Variants in AGMO observed in about 807,000 individuals in gnomAD.
AGMO encodes alkylglycerol monooxygenase, also known as glyceryl-ether monooxygenase.
AGMO carries 75 observed loss-of-function variants against 60.2 expected under a neutral mutation model. The observed-to-expected ratio is 1.25, with a 90% CI of 1.03 to 1.51. The LOEUF (loss-of-function observed/expected upper bound fraction) is 1.51, where lower values mean the gene tolerates loss of function less well. AGMO is among the 40% of genes most tolerant of loss of function. The pLI, the probability that AGMO is intolerant of heterozygous loss-of-function variation, is 0.00. For synonymous variants in AGMO, 261 were observed against 177.1 expected (o/e 1.47, Z -3.76); for missense variants, 763 against 525.5 (o/e 1.45, Z -4.42).
intron 3 of AGMO, among the ~76,000 whole-genome samples, chr7:15,455,639 T>C (rs1781982066): frequency 6.6e-6 from 1 of 152,134 alleles, no homozygotes; most frequent in Non-Finnish European, 1.5e-5. Flanking sequence ...AATATGTTTA[T>C]TCTATTCACA....
At chr7:15,129,045 T>C in the AGMO span, among the ~76,000 whole-genome samples, 1 of 152,188 alleles carries the variant, frequency 6.6e-6, no homozygotes, top group South Asian at 2.1e-4. Context: ...AAGTGGGGCA[T>C]CCTATGTGAT....
At chr7:15,352,584 A>C (rs1238563206) in intron 12 of AGMO, among the ~76,000 whole-genome samples, 1 of 151,790 alleles carries the variant, frequency 6.6e-6, no homozygotes. Context: ...ATGCGTGGCA[A>C]TTTTACGGTC....
chr7:15,126,643 T>C, the AGMO span, among the ~76,000 whole-genome samples: 1 of 152,068 alleles, frequency 6.6e-6, no homozygotes, highest in Non-Finnish European at 1.5e-5. Context: ...ACCGTGGATA[T>C]TGTGACTTAC....
At chr7:15,500,697 C>G (rs1388289935) in intron 3 of AGMO, among the ~76,000 whole-genome samples, 1 of 151,880 alleles carries the variant, frequency 6.6e-6, no homozygotes, top group Admixed American at 6.6e-5. Context: ...TTCAGTTCAG[C>G]TCTGATTTGA....
intron 3 of AGMO, among the ~76,000 whole-genome samples, chr7:15,490,549 C>T (rs1301092220): frequency 6.6e-6 from 1 of 152,098 alleles, no homozygotes; most frequent in African/African-American, 2.4e-5. Flanking sequence ...ATCCGCAACA[C>T]AGACAGGAAC....
chr7:15,529,869 G>A (rs111219476), intron 3 of AGMO, among the ~76,000 whole-genome samples: 16 of 14,068 alleles, frequency 1.1e-3, no homozygotes, highest in Admixed American at 2.7e-3. Context: ...TTCTATATAC[G>A]TATTTCCATA....
chr7:15,222,452 T>C (rs2128497277), intron 12 of AGMO, among the ~76,000 whole-genome samples: 1 of 152,218 alleles, frequency 6.6e-6, no homozygotes, highest in East Asian at 1.9e-4. Context: ...GATTTCGTGA[T>C]CTTTAGCATT....
intron 12 of AGMO, among the ~76,000 whole-genome samples, chr7:15,205,204 C>A (rs1012763411): frequency 1.3e-5 from 2 of 152,048 alleles, no homozygotes; most frequent in Non-Finnish European, 2.9e-5. Context: ...CAATAAGCAA[C>A]CAGAAGAGAA....
chr7:15,505,028 T>G (rs1055493681), intron 3 of AGMO, among the ~76,000 whole-genome samples: 1 of 152,000 alleles, frequency 6.6e-6, no homozygotes, highest in African/African-American at 2.4e-5. Context: ...TCTTCAATTT[T>G]GTAATGCCAA....
Position 15,201,238 on chromosome 7 carries a change from G to T in AGMO, c.*47C>A. On this transcript the variant is annotated 3_prime_UTR_variant, in exon 13 of 13. Coordinates refer to ENST00000342526, the MANE Select transcript of AGMO (RefSeq NM_001004320.2). Reference sequence around the variant, plus strand: ...ACATTTTAATATGCAGTCATAATATGCGTGTGGACAACTCATTAAAAGAAG... The same window carrying T: ...ACATTTTAATATGCAGTCATAATATTCGTGTGGACAACTCATTAAAAGAAG... 1 of 1,254,430 alleles carries T rather than the reference G, an allele frequency of 8.0e-7. No homozygotes were observed. The highest frequency in any genetic ancestry group is 1.1e-6 in the Non-Finnish European group (1 of 878,026). The allele number at this position is 1,254,430 out of a possible 1,614,324, so 77.7% of individuals were successfully genotyped here. A position where few individuals can be genotyped will look rare whatever the true frequency, so the allele number is the denominator to read the frequency against.
intron 12 of AGMO, among the ~76,000 whole-genome samples, chr7:15,328,149 G>A (rs1781402636): frequency 6.6e-6 from 1 of 151,644 alleles, no homozygotes; most frequent in African/African-American, 2.4e-5. Flanking sequence ...CCAAGCTGGA[G>A]TACAATGGCA....
At chr7:15,261,979 T>C (rs937145525) in intron 12 of AGMO, among the ~76,000 whole-genome samples, 4 of 151,878 alleles carry the variant, frequency 2.6e-5, no homozygotes, top group Non-Finnish European at 4.4e-5. Flanking sequence ...AAAACCAGCA[T>C]AGAAGGGACA....
chr7:15,544,096 T>C (rs866256843), intron 3 of AGMO, among the ~76,000 whole-genome samples: 10 of 152,204 alleles, frequency 6.6e-5, no homozygotes, highest in Middle Eastern at 3.4e-3. Context: ...TGGAAACTAT[T>C]ATTCTAAGTG....
At chr7:15,150,552 A>G in the AGMO span, among the ~76,000 whole-genome samples, 1 of 151,976 alleles carries the variant, frequency 6.6e-6, no homozygotes, top group Non-Finnish European at 1.5e-5. Context: ...TTGTGCATCT[A>G]TCGAGATCAA....
chr7:15,218,396 A>G (rs927381294), intron 12 of AGMO, among the ~76,000 whole-genome samples: 12 of 148,472 alleles, frequency 8.1e-5, no homozygotes, highest in African/African-American at 2.5e-5. Flanking sequence ...ATTTTGGGCC[A>G]TATGTTTTAG....
chr7:15,276,600 A>G (rs1486695060), intron 12 of AGMO, among the ~76,000 whole-genome samples: 2 of 151,734 alleles, frequency 1.3e-5, no homozygotes, highest in Admixed American at 1.3e-4. Flanking sequence ...AATCAAGAAA[A>G]TTTTTCTTCA....
At chr7:15,196,162 C>A (rs537446945), downstream of AGMO, among the ~76,000 whole-genome samples, 4 of 152,062 alleles carry the variant, frequency 2.6e-5, no homozygotes, top group African/African-American at 9.6e-5. Context: ...TCTGTCTCAG[C>A]CTCCAGAGTA....
intron 3 of AGMO, among the ~76,000 whole-genome samples, chr7:15,448,461 A>G (rs1462820148): frequency 3.3e-5 from 5 of 152,144 alleles, no homozygotes; most frequent in Admixed American, 1.3e-4. Context: ...ATAAACTTCT[A>G]ATGTTTATAA....
rs1780906414 is a variant in AGMO, at chr7:15,315,820, C to T, written c.1263+49694G>A. ...AGCAAACAATGTCCTCAACCACATTCACAAAGAGAAAAAAACATTTATTGC... is the reference window on the plus strand; with the variant it reads ...AGCAAACAATGTCCTCAACCACATTTACAAAGAGAAAAAAACATTTATTGC... On this transcript the variant is annotated intron_variant, in intron 12 of 12. Transcript: ENST00000342526. 3.3e-5 allele frequency among the ~76,000 whole-genome samples: 5 copies of T among 151,990 alleles called. No individual in the cohort carries two copies. The South Asian group carries it at 1.0e-3, about 32-fold the overall frequency.
Sources: allele counts gnomAD v4.1 joint callset (sites outside exome capture counted in the v4.1 genomes callset), GRCh38; gene constraint gnomAD v4.1.1; transcripts MANE v1.5; gene names NCBI Gene and HGNC (gene_info 2026-07-23, HGNC 2026-07-21).